The following WDR59 variants were observed in gnomAD, a reference collection of about 807,000 sequenced individuals.
WDR59 encodes GATOR2 complex protein WDR59.
A neutral mutation model predicts 131.2 loss-of-function variants in WDR59; 100 were observed. That is an observed-to-expected ratio of 0.76 (90% confidence interval 0.65 to 0.90). The LOEUF (loss-of-function observed/expected upper bound fraction) is 0.90, where lower values mean the gene tolerates loss of function less well. Among genes scored for constraint, WDR59 ranks in the 40% least tolerant of loss-of-function variants. The probability of loss-of-function intolerance (pLI) is 0.00; values close to 1 mark genes in which losing one functional copy is unlikely to be tolerated. For missense variants in WDR59, 1,203 were observed against 1,262.2 expected, an observed-to-expected ratio of 0.95 and a Z score of 0.71; for synonymous variants, 601 against 466.2, an observed-to-expected ratio of 1.29 and a Z score of -3.72.
intron 1 of WDR59, among the ~76,000 whole-genome samples, chr16:74,968,042 A>G (rs1417688152): frequency 6.6e-6 from 1 of 152,192 alleles, no homozygotes; most frequent in Non-Finnish European, 1.5e-5. Flanking sequence ...AGTATCCCAG[A>G]TGCAAAAGGA....
chr16:74,984,347 C>T (rs1476370984), intron 1 of WDR59, among the ~76,000 whole-genome samples: 2 of 152,042 alleles, frequency 1.3e-5, no homozygotes. Flanking sequence ...CTTGTAAGTA[C>T]GACCATCTCC....
Position 74,909,516 on chromosome 16 carries a change from T to C in WDR59, c.1627A>G (p.Arg543Gly). 2 of 1,582,486 alleles carry C rather than the reference T, an allele frequency of 1.3e-6. No homozygotes were observed. Among genetic ancestry groups the C allele is most frequent in the African/African-American group, 1.4e-5 (1 of 73,344 alleles). The change falls in exon 16 of 26, where the codon AGG (arginine) becomes GGG (glycine). Residue 543 changes from arginine to glycine, a missense_variant. By Grantham distance (125) the Arg-to-Gly change is moderately radical. Coordinates refer to ENST00000262144, the MANE Select transcript of WDR59 (RefSeq NM_030581.4). ...NIPFPRTSGA[R>G]FCGAGYLVYF... Reference sequence around the variant, plus strand: ...AGAGACCCACCTGCTCCGCAGAACCTGGCCCCAGAAGTCCTAGGAAAGGGA... The same window carrying C: ...AGAGACCCACCTGCTCCGCAGAACCCGGCCCCAGAAGTCCTAGGAAAGGGA...
chr16:74,935,282 T>C (rs1182949514), intron 8 of WDR59, among the ~76,000 whole-genome samples: 1 of 152,084 alleles, frequency 6.6e-6, no homozygotes. Flanking sequence ...GGACTCTCTT[T>C]GTCTAGAAGG....
At chr16:74,898,414 T>G (rs1965392099) in intron 18 of WDR59, among the ~76,000 whole-genome samples, 1 of 152,198 alleles carries the variant, frequency 6.6e-6, no homozygotes, top group African/African-American at 2.4e-5. Flanking sequence ...CCCACAGATT[T>G]CATGAGAAGA....
At chr16:74,882,450 T>A (rs1964532897) in intron 25 of WDR59, among the ~76,000 whole-genome samples, 1 of 152,114 alleles carries the variant, frequency 6.6e-6, no homozygotes, top group African/African-American at 2.4e-5. Context: ...CAAATAGCAA[T>A]TACCAGGTAT....
At chr16:74,925,228 A>G (rs1013620485) in intron 8 of WDR59, among the ~76,000 whole-genome samples, 27 of 152,334 alleles carry the variant, frequency 1.8e-4, no homozygotes, top group Admixed American at 9.1e-4. Flanking sequence ...AATGAAAAAA[A>G]GACAACCTTA....
At chr16:74,877,553 A>G (rs1023735052) in intron 25 of WDR59, among the ~76,000 whole-genome samples, 2 of 152,048 alleles carry the variant, frequency 1.3e-5, no homozygotes, top group African/African-American at 4.8e-5. Context: ...ATTTTTATTT[A>G]TTTATTTTGA....
intron 25 of WDR59, among the ~76,000 whole-genome samples, chr16:74,882,304 G>T (rs1388218355): frequency 6.6e-6 from 1 of 152,170 alleles, no homozygotes; most frequent in South Asian, 2.1e-4. Flanking sequence ...ACATTTAGAT[G>T]CTCTGAAAAA....
At chr16:74,886,177 C>CAAAAAAAGAAAAAAA in intron 24 of WDR59, 93 bp downstream of exon 24, 1 of 1,009,402 alleles carries the variant, frequency 9.9e-7, no homozygotes, top group Non-Finnish European at 1.4e-6. Flanking sequence ...ATTCTGTGTC[C>CAAAAAAAGAAAAAAA]AAAAAAAAAA....
intron 21 of WDR59, 62 bp downstream of exon 21, chr16:74,889,641 A>G: frequency 7.5e-7 from 1 of 1,338,164 alleles, no homozygotes; most frequent in East Asian, 2.3e-5. Context: ...TGACATTTCA[A>G]GTGTTTACAG....
intron 8 of WDR59, 75 bp from the exon 9 acceptor site, chr16:74,924,078 G>T: frequency 7.0e-7 from 1 of 1,424,604 alleles, no homozygotes; most frequent in African/African-American, 1.4e-5. Context: ...CACAGCCTTT[G>T]AACTCATTGC....
chr16:74,964,328 G>A (rs1166125914), intron 2 of WDR59, among the ~76,000 whole-genome samples: 1 of 148,978 alleles, frequency 6.7e-6, no homozygotes, highest in Non-Finnish European at 1.5e-5. Context: ...GCAGTGAGCC[G>A]AGATCGTGCC....
At chr16:74,931,581 C>A (rs2145049839) in intron 8 of WDR59, among the ~76,000 whole-genome samples, 1 of 152,276 alleles carries the variant, frequency 6.6e-6, no homozygotes, top group African/African-American at 2.4e-5. Flanking sequence ...AAGCAATCTG[C>A]CCGCTTCAGC....
chr16:74,929,616 T>C (rs1222705465), intron 8 of WDR59, among the ~76,000 whole-genome samples: 1 of 152,084 alleles, frequency 6.6e-6, no homozygotes, highest in South Asian at 2.1e-4. Flanking sequence ...TGGAGAACAG[T>C]ATGGTGATTC....
At position 74,908,898 on chromosome 16, in the gene WDR59, C is replaced by G. The variant is rs746407663; in HGVS notation, c.1712+10G>C. ...GAACGTAGAGCGGCTTCTGCATCTC[C>G]CTGACTCACCTCGGAGTAGGCTCTG... is the stretch of plus-strand genomic sequence containing the variant. On this transcript the variant is annotated intron_variant, in intron 17 of 25. Coordinates refer to ENST00000262144, the MANE Select transcript of WDR59 (RefSeq NM_030581.4). 1.2e-6 allele frequency: 2 copies of G among 1,613,642 alleles called. No individual in the cohort carries two copies. The highest frequency in any genetic ancestry group is 3.3e-5 in the Admixed American group (2 of 60,002).
intron 25 of WDR59, among the ~76,000 whole-genome samples, chr16:74,882,758 C>T (rs1379150743): frequency 1.5e-5 from 2 of 133,538 alleles, no homozygotes; most frequent in African/African-American, 5.6e-5. Context: ...TGCAGTGAGC[C>T]GAGATCGCAT....
chr16:74,916,713 G>A (rs1966405387), intron 11 of WDR59, among the ~76,000 whole-genome samples: 1 of 152,042 alleles, frequency 6.6e-6, no homozygotes, highest in South Asian at 2.1e-4. Context: ...ACAAAAACTA[G>A]CCAGGCATGG....
chr16:74,927,514 G>A (rs887400194), intron 8 of WDR59, among the ~76,000 whole-genome samples: 10 of 150,622 alleles, frequency 6.6e-5, no homozygotes, highest in Non-Finnish European at 1.3e-4. Context: ...CTTGAACCCC[G>A]GAGGTGGAGG....
At chr16:74,965,899 C>G in intron 1 of WDR59, 77 bp from the exon 2 acceptor site, 3 of 1,526,124 alleles carry the variant, frequency 2.0e-6, no homozygotes, top group Non-Finnish European at 2.7e-6. Context: ...TGTGGCTCTT[C>G]CTCTTCCTGT....
Sources: gnomAD v4.1 joint callset for allele counts (sites outside exome capture counted in the v4.1 genomes callset) on GRCh38, gnomAD v4.1.1 for gene constraint, MANE v1.5 for transcripts, NCBI Gene and HGNC (gene_info 2026-07-23, HGNC 2026-07-21) for gene names.